The following IGF1 variants were observed in gnomAD, a reference collection of about 807,000 sequenced individuals.
IGF1 encodes insulin like growth factor 1, also known as insulin-like growth factor 1.
Under a neutral mutation model 13.8 loss-of-function variants are expected in IGF1, and 4 were observed. The ratio of observed to expected loss-of-function variants is 0.29; its 90% CI spans 0.14 to 0.66. The LOEUF (loss-of-function observed/expected upper bound fraction) is 0.66, where lower values mean the gene tolerates loss of function less well. Among genes scored for constraint, IGF1 ranks in the 30% least tolerant of loss-of-function variants. IGF1 has a pLI of 0.78. For synonymous variants in IGF1, 76 were observed against 72.6 expected, an observed-to-expected ratio of 1.05 and a Z score of -0.23; for missense variants, 124 against 188.5, an observed-to-expected ratio of 0.66 and a Z score of 2.00.
At chr12:102,413,050 C>T (rs1874781515) in intron 3 of IGF1, among the ~76,000 whole-genome samples, 1 of 152,200 alleles carries the variant, frequency 6.6e-6, no homozygotes, top group African/African-American at 2.4e-5. Context: ...TTTTGCTAAC[C>T]TCAGCTACTC....
At chr12:102,432,362 T>C (rs547036409) in intron 2 of IGF1, among the ~76,000 whole-genome samples, 103 of 152,358 alleles carry the variant, frequency 6.8e-4, no homozygotes, top group African/African-American at 2.2e-3. Context: ...TAAATGTCTT[T>C]GTACACATAA....
chr12:102,469,532 G>C (rs185644347), intron 2 of IGF1, among the ~76,000 whole-genome samples: 28 of 152,274 alleles, frequency 1.8e-4, no homozygotes, highest in South Asian at 1.0e-3. Context: ...TGTGCATCCT[G>C]AGGAAGTTTT....
chr12:102,429,115 A>G (rs1263569930), intron 2 of IGF1, among the ~76,000 whole-genome samples: 1 of 152,216 alleles, frequency 6.6e-6, no homozygotes, highest in Non-Finnish European at 1.5e-5. Context: ...GTGGTATTAT[A>G]TTATTTTTTT....
chr12:102,418,043 G>T, intron 3 of IGF1: 1 of 1,597,634 alleles, frequency 6.3e-7, no homozygotes, highest in Admixed American at 1.8e-5. Flanking sequence ...AGAACAAGTG[G>T]TTCCCATGGT....
intron 2 of IGF1, among the ~76,000 whole-genome samples, chr12:102,420,983 C>T (rs1875660824): frequency 6.6e-6 from 1 of 152,130 alleles, no homozygotes; most frequent in South Asian, 2.1e-4. Context: ...AGTCAGAATC[C>T]TCATGTATTT....
At chr12:102,449,965 T>G (rs1041067508) in intron 2 of IGF1, among the ~76,000 whole-genome samples, 2 of 152,004 alleles carry the variant, frequency 1.3e-5, no homozygotes, top group Non-Finnish European at 2.9e-5. Context: ...TCCAGTAGCA[T>G]AGAGAGAGGG....
intron 3 of IGF1, chr12:102,417,954 C>G (rs1315701441): frequency 6.2e-7 from 1 of 1,613,590 alleles, no homozygotes; most frequent in South Asian, 1.1e-5. Context: ...CTTTGGCCAA[C>G]CTTTCCTTCT....
At position 102,467,770 on chromosome 12, in the gene IGF1, A is replaced by G. The variant is rs148469315; in HGVS notation, c.220+7873T>C. ...TTAATTTACCAGGTAACTTTGACAC[A>G]GACATGGCTAATTGTTGCTAAATGG... On this transcript the variant is annotated intron_variant, in intron 2 of 3. Transcript: ENST00000337514. 4.6e-3 allele frequency among the ~76,000 whole-genome samples: 699 copies of G among 152,336 alleles called. 3 individuals are homozygous for G. Among genetic ancestry groups the G allele is most frequent in the Non-Finnish European group, 5.3e-3 (358 of 68,022 alleles).
intron 2 of IGF1, chr12:102,463,056 G>A (rs922302554): frequency 1.3e-5 from 2 of 152,070 alleles, no homozygotes; most frequent in African/African-American, 2.4e-5. Flanking sequence ...AGATAAAGTC[G>A]CAGCTGAAAT....
chr12:102,412,838 A>G (rs1246750926), intron 3 of IGF1, among the ~76,000 whole-genome samples: 3 of 152,294 alleles, frequency 2.0e-5, no homozygotes, highest in East Asian at 1.9e-4. Flanking sequence ...GAATTTAAAC[A>G]TACGTTTATA....
At position 102,401,594 on chromosome 12, in the gene IGF1, C is replaced by T. The variant is rs1873685253; in HGVS notation, c.*913G>A. On this transcript the variant is annotated 3_prime_UTR_variant, in exon 4 of 4. Transcript: ENST00000337514. ...CCAGACTCTTTCATATAACAAACTA[C>T]AAAATAGCACCATTATACTAAAAAA... is the stretch of plus-strand genomic sequence containing the variant. 6.6e-6 allele frequency: 1 copy of T among 152,582 alleles called. No individual in the cohort carries two copies. Among genetic ancestry groups the T allele is most frequent in the African/African-American group, 2.4e-5 (1 of 41,436 alleles). 9.5% of individuals were successfully genotyped at this position (152,582 alleles called of 1,614,324 possible).
chr12:102,455,038 A>C (rs907305150), intron 2 of IGF1, among the ~76,000 whole-genome samples: 1 of 152,198 alleles, frequency 6.6e-6, no homozygotes, highest in African/African-American at 2.4e-5. Context: ...GGAAGAAGGG[A>C]GGACATGGCC....
At chr12:102,442,431 G>T (rs1021624161) in intron 2 of IGF1, among the ~76,000 whole-genome samples, 3 of 152,022 alleles carry the variant, frequency 2.0e-5, no homozygotes, top group Non-Finnish European at 4.4e-5. Context: ...TGCAAAATAG[G>T]TACCTTTTTC....
In IGF1 at chr12:102,396,959, T is replaced by A. The variant is rs2136924221; in HGVS notation, c.*5548A>T. 1 of 397,818 alleles carries A rather than the reference T, an allele frequency of 2.5e-6. No homozygotes were observed. The highest frequency in any genetic ancestry group is 3.6e-5 in the East Asian group (1 of 28,026). The allele number at this position is 397,818 out of a possible 1,614,324, so 24.6% of individuals were successfully genotyped here. On this transcript the variant is annotated 3_prime_UTR_variant, in exon 4 of 4. Transcript: ENST00000337514. ...GGCTCATGCCTGTAATCCCAGCAAT[T>A]TGGGAGGCTGAGGCGGGCAAATCAC...
chr12:102,480,683 G>C, upstream of IGF1: 1 of 1,075,292 alleles, frequency 9.3e-7, no homozygotes. Flanking sequence ...ATTGAGTAAG[G>C]ACTTTTTTGG....
chr12:102,426,460 AT>A (rs1028430570), intron 2 of IGF1, among the ~76,000 whole-genome samples: 2 of 152,236 alleles, frequency 1.3e-5, no homozygotes, highest in Admixed American at 1.3e-4. Flanking sequence ...TTAAAAATGC[AT>A]CCTTTCCAAA....
At chr12:102,453,562 G>T (rs1879136939) in intron 2 of IGF1, among the ~76,000 whole-genome samples, 1 of 152,150 alleles carries the variant, frequency 6.6e-6, no homozygotes, top group South Asian at 2.1e-4. Context: ...AAGTAAGGTT[G>T]GGAAAATTAC....
At chr12:102,403,021 T>A (rs747130400) in intron 3 of IGF1, among the ~76,000 whole-genome samples, 5 of 152,236 alleles carry the variant, frequency 3.3e-5, no homozygotes. Flanking sequence ...TTGTTTTTCT[T>A]GTTTTCCTCT....
rs1416216434 is a variant in IGF1 at position 102,418,151 on chromosome 12, A to G, written c.402+1358T>C. 3.9e-6 allele frequency: 3 copies of G among 762,632 alleles called. No individual in the cohort carries two copies. In the Admixed American group the frequency reaches 1.1e-4, roughly 29 times the overall value. 47.2% of individuals were successfully genotyped at this position (762,632 alleles called of 1,614,324 possible). On this transcript the variant is annotated intron_variant, in intron 3 of 3. Transcript: ENST00000337514. ...CTAGACCTCAGTCACAAGACCCACC[A>G]TTCCAGAACTTTGGGACTCATCTCT...
Sources: gnomAD v4.1 joint callset for allele counts (sites outside exome capture counted in the v4.1 genomes callset) on GRCh38, gnomAD v4.1.1 for gene constraint, MANE v1.5 for transcripts, NCBI Gene and HGNC (gene_info 2026-07-23, HGNC 2026-07-21) for gene names.